SPOCK1: variants seen among roughly 807,000 people sequenced by gnomAD.
SPOCK1 encodes SPARC (osteonectin), cwcv and kazal like domains proteoglycan 1, also known as testican-1.
In SPOCK1, 23 loss-of-function variants were observed where a neutral mutation model predicts 55.3. The observed-to-expected ratio is 0.42, with a 90% CI of 0.30 to 0.59. The LOEUF is 0.59. SPOCK1 is among the 20% of genes least tolerant of loss of function. The pLI is 0.22. For synonymous variants in SPOCK1, 226 were observed against 221.0 expected (o/e 1.02, Z -0.20); for missense variants, 499 against 552.5 (o/e 0.90, Z 0.97).
At chr5:137,120,020 G>T (rs1002984131) in intron 4 of SPOCK1, among the ~76,000 whole-genome samples, 14 of 152,164 alleles carry the variant, frequency 9.2e-5, no homozygotes, top group African/African-American at 3.1e-4. Context: ...GAAAGCAGAC[G>T]TGGGGCAATG....
At chr5:137,461,978 G>A (rs550316670) in intron 2 of SPOCK1, among the ~76,000 whole-genome samples, 26 of 152,196 alleles carry the variant, frequency 1.7e-4, no homozygotes, top group Admixed American at 1.6e-3. Context: ...GGAAAACAAG[G>A]AGACTCATCC....
At chr5:137,083,216 C>G (rs77453095) in intron 5 of SPOCK1, among the ~76,000 whole-genome samples, 2 of 152,142 alleles carry the variant, frequency 1.3e-5, no homozygotes, top group Admixed American at 6.5e-5. Flanking sequence ...TCAATTATCT[C>G]CTTTCCTTCA....
At chr5:137,393,198 G>C (rs902448988) in intron 2 of SPOCK1, among the ~76,000 whole-genome samples, 3 of 152,140 alleles carry the variant, frequency 2.0e-5, no homozygotes, top group African/African-American at 4.8e-5. Context: ...ACCCCTTCCT[G>C]TATGTACACT....
chr5:137,202,070 G>A (rs938987179), intron 3 of SPOCK1, among the ~76,000 whole-genome samples: 5 of 152,154 alleles, frequency 3.3e-5, no homozygotes, highest in Admixed American at 3.3e-4. Flanking sequence ...GGAACAATAC[G>A]TGGCCAACCA....
intron 3 of SPOCK1, among the ~76,000 whole-genome samples, chr5:137,264,515 C>T (rs1487380986): frequency 6.6e-6 from 1 of 152,124 alleles, no homozygotes; most frequent in Non-Finnish European, 1.5e-5. Flanking sequence ...CCCCTTCCAT[C>T]CCCATCCTAA....
intron 2 of SPOCK1, among the ~76,000 whole-genome samples, chr5:137,444,058 T>C (rs904173689): frequency 6.6e-6 from 1 of 152,174 alleles, no homozygotes; most frequent in Non-Finnish European, 1.5e-5. Context: ...ATCCTACCCA[T>C]GAAGAGCGAG....
At chr5:137,129,731 A>G (rs1051947053) in intron 4 of SPOCK1, among the ~76,000 whole-genome samples, 2 of 152,212 alleles carry the variant, frequency 1.3e-5, no homozygotes, top group African/African-American at 4.8e-5. Context: ...GATGTTATCT[A>G]TAGGAGCAAT....
At chr5:137,307,375 C>T (rs1757716261) in intron 2 of SPOCK1, among the ~76,000 whole-genome samples, 1 of 152,222 alleles carries the variant, frequency 6.6e-6, no homozygotes, top group Non-Finnish European at 1.5e-5. Context: ...ACTGTTTATG[C>T]TCTCAGCCAG....
chr5:137,129,514 C>T (rs1490254880), intron 4 of SPOCK1, among the ~76,000 whole-genome samples: 1 of 152,072 alleles, frequency 6.6e-6, no homozygotes, highest in Non-Finnish European at 1.5e-5. Flanking sequence ...ATTGGGTGGT[C>T]AGGGGCCTAA....
At chr5:137,291,173 T>G (rs1374499340) in intron 2 of SPOCK1, among the ~76,000 whole-genome samples, 1 of 152,152 alleles carries the variant, frequency 6.6e-6, no homozygotes, top group Non-Finnish European at 1.5e-5. Context: ...TCCATCCATC[T>G]GCCTCAGCAG....
rs189733604 is a variant in SPOCK1, at chr5:137,283,374, T to C, written c.187-16319A>G. On this transcript the variant is annotated intron_variant, in intron 2 of 10. Coordinates refer to ENST00000394945, the MANE Select transcript of SPOCK1 (RefSeq NM_004598.4). ...GTGTCTGCCTCCTGAATTTATGGCA[T>C]GCCTGTCGGCCTCAGTCAGAAAAGG... Among the ~76,000 whole-genome samples the C allele has an allele frequency of 6.6e-5, 10 of 152,294 alleles. No individual in the cohort carries two copies. The East Asian group carries it at 9.7e-4, about 15-fold the overall frequency.
intron 2 of SPOCK1, among the ~76,000 whole-genome samples, chr5:137,321,024 G>A (rs548447397): frequency 6.6e-6 from 1 of 152,260 alleles, no homozygotes; most frequent in Non-Finnish European, 1.5e-5. Flanking sequence ...GAGAGTGTCT[G>A]TAAAATGAAA....
chr5:137,391,590 G>A (rs1383021889), intron 2 of SPOCK1, among the ~76,000 whole-genome samples: 1 of 151,918 alleles, frequency 6.6e-6, no homozygotes, highest in Non-Finnish European at 1.5e-5. Flanking sequence ...GACAGAATGG[G>A]GCTTATCCTT....
intron 2 of SPOCK1, among the ~76,000 whole-genome samples, chr5:137,356,965 T>C (rs1400214108): frequency 6.7e-6 from 1 of 149,892 alleles, no homozygotes; most frequent in African/African-American, 2.5e-5. Context: ...AATATAGCTA[T>C]AGGGCACCTT....
intron 6 of SPOCK1, among the ~76,000 whole-genome samples, chr5:137,000,627 G>C (rs1440031235): frequency 6.6e-6 from 1 of 152,228 alleles, no homozygotes; most frequent in Admixed American, 6.5e-5. Context: ...TGAATGTGGA[G>C]AAGGAGTGAG....
chr5:137,012,886 C>G (rs1375884211), intron 6 of SPOCK1, among the ~76,000 whole-genome samples: 1 of 152,126 alleles, frequency 6.6e-6, no homozygotes, highest in South Asian at 2.1e-4. Flanking sequence ...TTCACAAATA[C>G]GTTGGAAAAC....
At chr5:137,062,492 C>A (rs906005887) in intron 6 of SPOCK1, among the ~76,000 whole-genome samples, 2 of 150,178 alleles carry the variant, frequency 1.3e-5, no homozygotes, top group Middle Eastern at 3.5e-3. Flanking sequence ...TTTTGAGAGA[C>A]CTCTATTTCC....
chr5:137,485,669 T>C (rs1754039521), intron 2 of SPOCK1, among the ~76,000 whole-genome samples: 1 of 151,852 alleles, frequency 6.6e-6, no homozygotes, highest in South Asian at 2.1e-4. Context: ...CCTTCAACAA[T>C]ATAACAGGTA....
At chr5:137,118,077 A>T (rs1753621802) in intron 4 of SPOCK1, among the ~76,000 whole-genome samples, 1 of 152,254 alleles carries the variant, frequency 6.6e-6, no homozygotes, top group South Asian at 2.1e-4. Flanking sequence ...ATTATTGGGT[A>T]GTACTCAATT....
Sources: gnomAD v4.1 joint callset for allele counts (sites outside exome capture counted in the v4.1 genomes callset) on GRCh38, gnomAD v4.1.1 for gene constraint, MANE v1.5 for transcripts, NCBI Gene and HGNC (gene_info 2026-07-23, HGNC 2026-07-21) for gene names.